The following DIS3L2 variants were observed in gnomAD, a reference collection of about 807,000 sequenced individuals.
DIS3L2 encodes DIS3 like 3'-5' exoribonuclease 2.
Under a neutral mutation model 97.5 loss-of-function variants are expected in DIS3L2, and 34 were observed. The observed-to-expected ratio is 0.35, with a 90% CI of 0.27 to 0.46. The LOEUF (loss-of-function observed/expected upper bound fraction) is 0.46. Ranked by LOEUF, DIS3L2 falls within the 20% of genes least tolerant of loss-of-function variation. The pLI, the probability that DIS3L2 is intolerant of heterozygous loss-of-function variation, is 1.00. For synonymous variants in DIS3L2, 435 were observed against 445.2 expected, an observed-to-expected ratio of 0.98 and a Z score of 0.29; for missense variants, 1,038 against 1,146.0, an observed-to-expected ratio of 0.91 and a Z score of 1.36.
At chr2:232,016,604 G>A (rs1014548444) in intron 3 of DIS3L2, among the ~76,000 whole-genome samples, 2 of 152,062 alleles carry the variant, frequency 1.3e-5, no homozygotes, top group African/African-American at 4.8e-5. Flanking sequence ...AGGCAGTGGC[G>A]CTAACGAAAA....
chr2:232,275,205 G>A (rs1258431228), intron 13 of DIS3L2, among the ~76,000 whole-genome samples: 1 of 152,136 alleles, frequency 6.6e-6, no homozygotes, highest in Admixed American at 6.5e-5. Flanking sequence ...TCTCCCCTAG[G>A]TGCCTGGTGC....
In DIS3L2 at chr2:232,030,065, C is replaced by T. The variant is rs141249322; in HGVS notation, c.351C>T (p.Pro117=). The change falls in exon 5 of 21, where the codon CCC becomes CCT. Residue 117 remains proline (P), a synonymous_variant. Coordinates refer to ENST00000325385, the MANE Select transcript of DIS3L2 (RefSeq NM_152383.5). Reference sequence around the variant, plus strand: ...ATCTGGTGGTCGTGAAACTGCTTCCCGAGGAGCATTGGAAGGTGAGTTAAG... The same window carrying T: ...ATCTGGTGGTCGTGAAACTGCTTCCTGAGGAGCATTGGAAGGTGAGTTAAG... ...NGDLVVVKLL[P]EEHWKVVKPE... 91 of 1,610,880 alleles carry T rather than the reference C, an allele frequency of 5.6e-5. No homozygotes were observed. The Middle Eastern group carries it at 1.2e-3, about 20-fold the overall frequency.
Position 232,014,934 on chromosome 2 carries a change from C to T in DIS3L2, c.7C>T (p.His3Tyr). The T allele has an allele frequency of 6.2e-7, 1 of 1,613,976 alleles. No individual in the cohort carries two copies. The highest frequency in any genetic ancestry group is 8.5e-7 in the Non-Finnish European group (1 of 1,179,910). The change falls in exon 2 of 21, where the codon CAT becomes TAT. Residue 3 changes from histidine to tyrosine, a missense_variant. Physicochemically the swap from His to Tyr is moderately conservative, Grantham distance 83. Around this residue, in one of 3 missense-constraint regions of DIS3L2, gnomAD observed 813 missense variants for 880.1 expected, o/e 0.92. Coordinates refer to ENST00000325385, the MANE Select transcript of DIS3L2 (RefSeq NM_152383.5). MS[H>Y]PDYRMNLRPL... ...AGTGACCTTGGAGCCAATAATGAGC[C>T]ATCCTGACTACAGAATGAACCTCCG...
downstream of DIS3L2, among the ~76,000 whole-genome samples, chr2:232,339,303 G>T (rs190169773): frequency 1.0e-3 from 158 of 152,354 alleles, no homozygotes; most frequent in African/African-American, 3.5e-3. Context: ...GCCAGAGGAG[G>T]CGAGGCCTCT....
intron 11 of DIS3L2, among the ~76,000 whole-genome samples, chr2:232,238,926 T>A (rs1693007538): frequency 6.6e-6 from 1 of 152,188 alleles, no homozygotes; most frequent in Admixed American, 6.5e-5. Flanking sequence ...TTTGTAAGGT[T>A]TTATTGGAAC....
chr2:232,330,147 A>G (rs980543574), intron 15 of DIS3L2, 151 bp downstream of exon 15: 9 of 1,006,292 alleles, frequency 8.9e-6, no homozygotes, highest in Non-Finnish European at 1.3e-5. Context: ...CCTGGGAGAA[A>G]GGGCCCCTCT....
At chr2:232,139,885 G>C (rs1698463400) in intron 8 of DIS3L2, among the ~76,000 whole-genome samples, 1 of 152,104 alleles carries the variant, frequency 6.6e-6, no homozygotes, top group Non-Finnish European at 1.5e-5. Flanking sequence ...AAAAGATTCA[G>C]GGGAGATTAA....
intron 5 of DIS3L2, among the ~76,000 whole-genome samples, chr2:232,079,729 T>C (rs1023619702): frequency 4.6e-5 from 7 of 151,292 alleles, no homozygotes; most frequent in African/African-American, 1.5e-4. Context: ...CAGGCAGATA[T>C]TTGAGCAGAG....
chr2:232,187,278 G>A (rs1691466746), intron 9 of DIS3L2, among the ~76,000 whole-genome samples: 1 of 152,096 alleles, frequency 6.6e-6, no homozygotes, highest in Non-Finnish European at 1.5e-5. Flanking sequence ...AGGATGTAGT[G>A]AAATTGGAAC....
At chr2:232,250,092 C>T (rs1693378749) in intron 12 of DIS3L2, among the ~76,000 whole-genome samples, 1 of 152,116 alleles carries the variant, frequency 6.6e-6, no homozygotes, top group African/African-American at 2.4e-5. Flanking sequence ...AATGTAACAA[C>T]TCCAAACATT....
At chr2:232,224,693 G>A (rs1381097419) in intron 10 of DIS3L2, among the ~76,000 whole-genome samples, 2 of 151,858 alleles carry the variant, frequency 1.3e-5, no homozygotes, top group Non-Finnish European at 2.9e-5. Context: ...ACAAAAATTA[G>A]CCAGGCATGG....
intron 9 of DIS3L2, among the ~76,000 whole-genome samples, chr2:232,192,772 G>C (rs1180543409): frequency 1.3e-5 from 2 of 152,188 alleles, no homozygotes; most frequent in Non-Finnish European, 2.9e-5. Flanking sequence ...CACAGCTGTT[G>C]CATTAATTAA....
chr2:232,284,712 C>T (rs1694380986), intron 13 of DIS3L2, among the ~76,000 whole-genome samples: 1 of 152,166 alleles, frequency 6.6e-6, no homozygotes, highest in Non-Finnish European at 1.5e-5. Flanking sequence ...GGAATCTCTC[C>T]TGAGTGCATC....
chr2:232,281,272 G>A lies in DIS3L2; in HGVS notation c.1659+17832G>A, dbSNP rs141284414. On this transcript the variant is annotated intron_variant, in intron 13 of 20. Transcript: ENST00000325385. This position sits in a 1 kb window ranked among gnomAD's most constrained non-coding sequence, Gnocchi z 4.1. Reference sequence around the variant, plus strand: ...AAATTAGCCGGGCGTGGTGGCGGGCGCCTGTGGTCCCAGCTATTTGGGAGG... The same window carrying A: ...AAATTAGCCGGGCGTGGTGGCGGGCACCTGTGGTCCCAGCTATTTGGGAGG... 0.01 allele frequency among the ~76,000 whole-genome samples: 1,589 copies of A among 152,282 alleles called. 34 individuals carry two copies. The highest frequency in any genetic ancestry group is 0.036 in the African/African-American group (1,504 of 41,548).
At chr2:232,050,347 C>G (rs557974399) in intron 5 of DIS3L2, among the ~76,000 whole-genome samples, 1 of 152,306 alleles carries the variant, frequency 6.6e-6, no homozygotes, top group South Asian at 2.1e-4. Flanking sequence ...TTTTGGCTCA[C>G]TGCAACCTCT....
chr2:232,331,201 C>T (rs1246999588), intron 16 of DIS3L2, among the ~76,000 whole-genome samples: 3 of 152,250 alleles, frequency 2.0e-5, no homozygotes, highest in African/African-American at 7.2e-5. Context: ...CGGACTTGGC[C>T]GGGGGCCTAG....
chr2:232,202,878 C>T (rs981657490), intron 9 of DIS3L2, among the ~76,000 whole-genome samples: 2 of 152,084 alleles, frequency 1.3e-5, no homozygotes, highest in Non-Finnish European at 2.9e-5. Context: ...TGGCAACTAC[C>T]GTCGAAAAAA....
At chr2:232,333,817 C>G (rs1695845446) in intron 16 of DIS3L2, 23 bp from the exon 17 acceptor site, 2 of 1,599,076 alleles carry the variant, frequency 1.3e-6, no homozygotes, top group Non-Finnish European at 1.7e-6. Context: ...GCTTGTCAGG[C>G]TCTGACCCAT....
At chr2:232,186,093 A>G (rs1158253697) in intron 9 of DIS3L2, among the ~76,000 whole-genome samples, 2 of 152,204 alleles carry the variant, frequency 1.3e-5, no homozygotes, top group Non-Finnish European at 2.9e-5. Flanking sequence ...AGCCTCCCAA[A>G]GTGCTGGGAT....
Sources: gnomAD v4.1 joint callset for allele counts (sites outside exome capture counted in the v4.1 genomes callset) on GRCh38, gnomAD v4.1.1 for gene constraint, gnomAD v4.1.1 regional missense constraint, Gnocchi (gnomAD v3.1) non-coding constraint, MANE v1.5 for transcripts, NCBI Gene and HGNC (gene_info 2026-07-23, HGNC 2026-07-21) for gene names.